Variants in ITSN2 observed in about 807,000 individuals in gnomAD.
ITSN2 encodes the protein intersectin 2.
Under a neutral mutation model 243.7 loss-of-function variants are expected in ITSN2, and 156 were observed. The ratio of observed to expected loss-of-function variants is 0.64; its 90% CI spans 0.56 to 0.73. ITSN2 has a LOEUF of 0.73. Ranked by LOEUF, ITSN2 falls within the 30% of genes least tolerant of loss-of-function variation. ITSN2 has a pLI of 0.00. For missense variants in ITSN2, 1,801 were observed against 1,996.1 expected, an observed-to-expected ratio of 0.90 and a Z score of 1.86; for synonymous variants, 703 against 699.9, an observed-to-expected ratio of 1.00 and a Z score of -0.07.
Position 24,339,651 on chromosome 2 carries a change from G to T in ITSN2, c.-33-11536C>A, listed in dbSNP as rs571395730. On this transcript the variant is annotated intron_variant, in intron 1 of 39. Coordinates refer to ENST00000355123, the MANE Select transcript of ITSN2 (RefSeq NM_006277.3). ...CTGTTTTTGTGTTTTATATATTGAA[G>T]CTTCTCTGTAAGATTTCACCTGATT... Among the ~76,000 whole-genome samples, 4 of 152,124 alleles carry T rather than the reference G, an allele frequency of 2.6e-5. No homozygotes were observed. The East Asian group carries it at 5.8e-4, about 22-fold the overall frequency.
chr2:24,296,974 G>C (rs1265505231), intron 13 of ITSN2, among the ~76,000 whole-genome samples: 2 of 152,028 alleles, frequency 1.3e-5, no homozygotes, highest in Non-Finnish European at 2.9e-5. Flanking sequence ...TTCATGTGTT[G>C]CACCAGTTCT....
chr2:24,210,809 C>G lies in ITSN2; in HGVS notation c.4228G>C (p.Ala1410Pro). The change falls in exon 34 of 40, where the codon GCG (alanine) becomes CCG (proline). Residue 1410 changes from alanine (A) to proline (P), a missense_variant. Ala to Pro is a conservative substitution (Grantham distance 27, BLOSUM62 -1). This residue lies in a region of ITSN2 where 928 missense variants were observed against 1,065.4 expected (regional missense o/e 0.87). Transcript: ENST00000355123. ...GCGAGGCCTTCACACTGCACGTGCG[C>G]CTGGATCCACTCCAGTCGGTCCGAG... The part of the protein sequence containing the change: ...ENSDRLEWIQ[A>P]HVQCEGLAEQ... 1 of 1,613,926 alleles carries G rather than the reference C, an allele frequency of 6.2e-7. No individual in the cohort carries two copies. The highest frequency in any genetic ancestry group is 2.2e-5 in the East Asian group (1 of 44,862).
At chr2:24,208,996 G>C (rs951913728) in intron 36 of ITSN2, 104 bp downstream of exon 36, 13 of 1,324,726 alleles carry the variant, frequency 9.8e-6, no homozygotes, top group African/African-American at 1.4e-5. Flanking sequence ...TCAGGATACA[G>C]AATTAGTGGG....
At chr2:24,350,587 C>G (rs1687931856) in intron 1 of ITSN2, among the ~76,000 whole-genome samples, 1 of 152,146 alleles carries the variant, frequency 6.6e-6, no homozygotes, top group Admixed American at 6.5e-5. Context: ...AAATGTCCAT[C>G]AACTACAGAT....
chr2:24,257,137 C>G (rs984102673), intron 23 of ITSN2, among the ~76,000 whole-genome samples: 9 of 152,030 alleles, frequency 5.9e-5, no homozygotes, highest in Non-Finnish European at 8.8e-5. Context: ...TGGGGTAACA[C>G]AGCAAAACCC....
intron 37 of ITSN2, chr2:24,206,123 A>G (rs1171321786): frequency 6.6e-6 from 2 of 304,934 alleles, no homozygotes; most frequent in African/African-American, 4.6e-5. Flanking sequence ...CCGGATTGAC[A>G]TCTTTGGCCA....
chr2:24,311,046 T>C (rs191417874), intron 5 of ITSN2, among the ~76,000 whole-genome samples: 1 of 151,602 alleles, frequency 6.6e-6, no homozygotes, highest in Admixed American at 6.6e-5. Context: ...ACAGTGCTAC[T>C]AAGTTACTTG....
chr2:24,347,281 A>C (rs976513472), intron 1 of ITSN2, among the ~76,000 whole-genome samples: 1 of 152,246 alleles, frequency 6.6e-6, no homozygotes. Context: ...TAGAGAAAGA[A>C]GCAAAAAATT....
chr2:24,288,495 T>A (rs773667288), intron 15 of ITSN2, among the ~76,000 whole-genome samples: 2 of 152,162 alleles, frequency 1.3e-5, no homozygotes, highest in Non-Finnish European at 2.9e-5. Flanking sequence ...ATTAACATAA[T>A]GTGTATGTTA....
intron 15 of ITSN2, among the ~76,000 whole-genome samples, chr2:24,292,992 T>C (rs187928711): frequency 1.2e-4 from 18 of 152,350 alleles, no homozygotes; most frequent in African/African-American, 3.8e-4. Flanking sequence ...TAGGATACTT[T>C]AGTCAGTTGT....
At chr2:24,289,190 A>G (rs1044925004) in intron 15 of ITSN2, among the ~76,000 whole-genome samples, 1 of 152,194 alleles carries the variant, frequency 6.6e-6, no homozygotes, top group African/African-American at 2.4e-5. Context: ...TTGAATCTGT[A>G]TATTGCTTTG....
chr2:24,314,809 T>C (rs1242642594), intron 3 of ITSN2, among the ~76,000 whole-genome samples: 2 of 152,008 alleles, frequency 1.3e-5, no homozygotes, highest in Non-Finnish European at 2.9e-5. Context: ...AAAAAAAAAG[T>C]CTAGATTTTC....
intron 1 of ITSN2, among the ~76,000 whole-genome samples, chr2:24,332,997 G>C (rs1685957349): frequency 6.6e-6 from 1 of 152,176 alleles, no homozygotes; most frequent in Non-Finnish European, 1.5e-5. Flanking sequence ...GCCAGATACT[G>C]CTAGGCACCT....
intron 37 of ITSN2, among the ~76,000 whole-genome samples, chr2:24,206,711 G>A (rs574234950): frequency 6.6e-5 from 10 of 152,286 alleles, no homozygotes; most frequent in Non-Finnish European, 1.3e-4. Flanking sequence ...GCCCCGATGT[G>A]GGAGGGAGTT....
intron 29 of ITSN2, among the ~76,000 whole-genome samples, chr2:24,232,425 G>A (rs1671718976): frequency 1.3e-5 from 2 of 152,114 alleles, no homozygotes; most frequent in Non-Finnish European, 2.9e-5. Context: ...CCTAATGATA[G>A]ACAAAAGCGC....
chr2:24,319,405 G>A (rs576606504), intron 2 of ITSN2, among the ~76,000 whole-genome samples: 6 of 152,184 alleles, frequency 3.9e-5, no homozygotes, highest in South Asian at 2.1e-4. Flanking sequence ...CCTTGGTATG[G>A]CTCTCCTAAA....
intron 37 of ITSN2, chr2:24,206,289 CACAT>C (rs1250290055): frequency 6.9e-6 from 3 of 432,766 alleles, no homozygotes; most frequent in Non-Finnish European, 1.4e-5. Flanking sequence ...AATAAAAAAA[CACAT>C]AAAGAGCTGC....
Position 24,211,657 on chromosome 2 carries a change from G to GTTTTTTTTTTTTTTTTTTTTTTTTTTTT in ITSN2, c.4090-711_4090-710insAAAAAAAAAAAAAAAAAAAAAAAAAAAA. Among the ~76,000 whole-genome samples, 1 of 152,120 alleles carries GTTTTTTTTTTTTTTTTTTTTTTTTTTTT rather than the reference G, an allele frequency of 6.6e-6. No homozygotes were observed. Among genetic ancestry groups the GTTTTTTTTTTTTTTTTTTTTTTTTTTTT allele is most frequent in the African/African-American group, 2.4e-5 (1 of 41,390 alleles). On this transcript the variant is annotated intron_variant, in intron 33 of 39. Coordinates refer to ENST00000355123, the MANE Select transcript of ITSN2 (RefSeq NM_006277.3). The surrounding 1 kb of genome is among the most constrained non-coding windows in gnomAD (Gnocchi z 4.1). ...ATGCAGAACAGCCTGAGAGCCTAAAGTTTTTATTCAGTACCCATTTGGTGG... is the reference window on the plus strand; with the variant it reads ...ATGCAGAACAGCCTGAGAGCCTAAAGTTTTTTTTTTTTTTTTTTTTTTTTTTTTTTTTTATTCAGTACCCATTTGGTGG...
intron 15 of ITSN2, among the ~76,000 whole-genome samples, chr2:24,291,094 A>G (rs1422415098): frequency 5.3e-5 from 8 of 152,218 alleles, no homozygotes; most frequent in Non-Finnish European, 1.0e-4. Context: ...TAGTTCATTT[A>G]GGAACATAAA....
Sources: allele counts gnomAD v4.1 joint callset (sites outside exome capture counted in the v4.1 genomes callset), GRCh38; gene constraint gnomAD v4.1.1; regional missense constraint gnomAD v4.1.1; non-coding constraint Gnocchi (gnomAD v3.1); transcripts MANE v1.5; gene names NCBI Gene and HGNC (gene_info 2026-07-23, HGNC 2026-07-21).